HSD17B12: variants seen among roughly 807,000 people sequenced by gnomAD.
HSD17B12 encodes hydroxysteroid 17-beta dehydrogenase 12.
HSD17B12 carries 32 observed loss-of-function variants against 39.3 expected under a neutral mutation model. That is an observed-to-expected ratio of 0.81 (90% CI 0.61 to 1.09). The LOEUF (loss-of-function observed/expected upper bound fraction) is 1.09. Ranked by LOEUF, HSD17B12 falls within the 50% of genes least tolerant of loss-of-function variation. HSD17B12 has a pLI of 0.00. For missense variants in HSD17B12, 342 were observed against 382.9 expected (o/e 0.89, Z 0.89); for synonymous variants, 150 against 146.7 (o/e 1.02, Z -0.16).
At chr11:43,700,982 T>C (rs1238617811) in intron 1 of HSD17B12, among the ~76,000 whole-genome samples, 1 of 152,170 alleles carries the variant, frequency 6.6e-6, no homozygotes, top group Non-Finnish European at 1.5e-5. Flanking sequence ...TTTCTCCACA[T>C]CTTTGCCAGC....
the HSD17B12 span, among the ~76,000 whole-genome samples, chr11:43,597,157 T>C: frequency 6.6e-6 from 1 of 152,188 alleles, no homozygotes; most frequent in Non-Finnish European, 1.5e-5. Flanking sequence ...AACAGAGTGC[T>C]GTGGCACTGA....
At chr11:43,620,189 C>A in the HSD17B12 span, among the ~76,000 whole-genome samples, 3 of 152,190 alleles carry the variant, frequency 2.0e-5, no homozygotes, top group Admixed American at 6.5e-5. Context: ...TCTTTAAACA[C>A]CACCATTTAT....
chr11:43,829,962 T>A (rs1189379853), intron 6 of HSD17B12: 1 of 152,218 alleles, frequency 6.6e-6, no homozygotes, highest in Non-Finnish European at 1.5e-5. Context: ...CTGATGTACA[T>A]CTGTACTACC....
chr11:43,780,511 G>A (rs1173366981), intron 3 of HSD17B12, among the ~76,000 whole-genome samples: 1 of 151,934 alleles, frequency 6.6e-6, no homozygotes, highest in Non-Finnish European at 1.5e-5. Flanking sequence ...CATATGTAAT[G>A]TATGTGCATA....
chr11:43,761,521 A>G (rs762856095), intron 3 of HSD17B12, among the ~76,000 whole-genome samples: 8 of 152,348 alleles, frequency 5.3e-5, no homozygotes, highest in Non-Finnish European at 1.0e-4. Context: ...GATGCTCACA[A>G]GTTTTTCTGG....
chr11:43,784,878 C>A (rs1054464543), intron 3 of HSD17B12, among the ~76,000 whole-genome samples: 1 of 152,092 alleles, frequency 6.6e-6, no homozygotes, highest in Non-Finnish European at 1.5e-5. Context: ...TTTTAGTGAG[C>A]AGCATAGTAT....
rs563484781 is a variant in HSD17B12 at position 43,760,904 on chromosome 11, C to T, written c.283+6783C>T. Among the ~76,000 whole-genome samples, 10 of 152,216 alleles carry T rather than the reference C, an allele frequency of 6.6e-5. No individual in the cohort carries two copies. In the South Asian group the frequency reaches 1.9e-3, roughly 28 times the overall value. Reference sequence around the variant, plus strand: ...TAATGCTAGAAATATCTTTGTTGCTCGTAGAGTTTATATGTTACAGGGCCA... The same window carrying T: ...TAATGCTAGAAATATCTTTGTTGCTTGTAGAGTTTATATGTTACAGGGCCA... On this transcript the variant is annotated intron_variant, in intron 3 of 10. Coordinates refer to ENST00000278353, the MANE Select transcript of HSD17B12 (RefSeq NM_016142.3).
At chr11:43,772,283 C>T (rs895334044) in intron 3 of HSD17B12, among the ~76,000 whole-genome samples, 2 of 152,166 alleles carry the variant, frequency 1.3e-5, no homozygotes, top group Non-Finnish European at 2.9e-5. Context: ...TCCCCCTACT[C>T]CTGTTTTCTC....
intron 1 of HSD17B12, among the ~76,000 whole-genome samples, chr11:43,702,314 C>A (rs1949972217): frequency 6.6e-6 from 1 of 152,126 alleles, no homozygotes; most frequent in South Asian, 2.1e-4. Flanking sequence ...TTTGGATGCC[C>A]ATTATATCTT....
At chr11:43,663,617 C>T in the HSD17B12 span, among the ~76,000 whole-genome samples, 190 of 152,230 alleles carry the variant, frequency 1.2e-3, 3 homozygotes, top group African/African-American at 4.3e-3. Flanking sequence ...CATTTTAAAC[C>T]ATGTTTTCTG....
At chr11:43,762,980 A>G (rs1164692164) in intron 3 of HSD17B12, among the ~76,000 whole-genome samples, 1 of 152,180 alleles carries the variant, frequency 6.6e-6, no homozygotes. Flanking sequence ...CATGGGCTTG[A>G]TAAACAAAGC....
chr11:43,719,097 C>T, intron 1 of HSD17B12: 1 of 767,536 alleles, frequency 1.3e-6, no homozygotes, highest in South Asian at 1.3e-5. Context: ...GTTCAACTGG[C>T]TCCTGATTAC....
the HSD17B12 span, among the ~76,000 whole-genome samples, chr11:43,589,671 A>G: frequency 1.3e-5 from 2 of 152,190 alleles, no homozygotes; most frequent in African/African-American, 4.8e-5. Context: ...GTTCAGGGAT[A>G]TGTCAAACGT....
At chr11:43,840,153 A>G (rs760639068) in intron 9 of HSD17B12, 89 bp downstream of exon 9, 2 of 1,030,450 alleles carry the variant, frequency 1.9e-6, no homozygotes, top group Non-Finnish European at 2.9e-6. Flanking sequence ...AAAAAAAATC[A>G]TATTCCTAAG....
chr11:43,674,887 A>G, the HSD17B12 span, among the ~76,000 whole-genome samples: 12 of 152,218 alleles, frequency 7.9e-5, no homozygotes, highest in African/African-American at 2.9e-4. Context: ...CCCCACCTAA[A>G]TTAGGTCCTC....
At chr11:43,623,797 A>C in the HSD17B12 span, among the ~76,000 whole-genome samples, 1 of 152,048 alleles carries the variant, frequency 6.6e-6, no homozygotes, top group Non-Finnish European at 1.5e-5. Context: ...ATGTTTGAAA[A>C]TATGTATGCA....
At chr11:43,714,798 G>A (rs903336397) in intron 1 of HSD17B12, among the ~76,000 whole-genome samples, 39 of 151,898 alleles carry the variant, frequency 2.6e-4, no homozygotes, top group African/African-American at 6.5e-4. Flanking sequence ...CTTTTATTTC[G>A]TTGAGCAGTG....
intron 3 of HSD17B12, among the ~76,000 whole-genome samples, chr11:43,779,879 GTTTATCA>G (rs142366498): frequency 1.0e-3 from 156 of 152,240 alleles, no homozygotes; most frequent in African/African-American, 3.7e-3. Flanking sequence ...TCTTACTACT[GTTTATCA>G]TCCTGGTATC....
chr11:43,790,958 C>T (rs1950862533), intron 3 of HSD17B12, among the ~76,000 whole-genome samples: 1 of 152,094 alleles, frequency 6.6e-6, no homozygotes, highest in Non-Finnish European at 1.5e-5. Context: ...TGCACCATTG[C>T]ATTCCAGCCT....
Sources: allele counts gnomAD v4.1 joint callset (sites outside exome capture counted in the v4.1 genomes callset), GRCh38; gene constraint gnomAD v4.1.1; transcripts MANE v1.5; gene names NCBI Gene and HGNC (gene_info 2026-07-23, HGNC 2026-07-21).